Variants in EFEMP1 observed in about 807,000 individuals in gnomAD.
EFEMP1 encodes EGF-containing fibulin-like extracellular matrix protein 1.
In EFEMP1, 18 loss-of-function variants were observed where a neutral mutation model predicts 65.7. That is an observed-to-expected ratio of 0.27 (90% confidence interval 0.19 to 0.41). EFEMP1 has a LOEUF of 0.41. EFEMP1 is among the 10% of genes least tolerant of loss of function. The probability of loss-of-function intolerance (pLI) is 1.00; values close to 1 mark genes in which losing one functional copy is unlikely to be tolerated. For synonymous variants in EFEMP1, 237 were observed against 219.7 expected, an observed-to-expected ratio of 1.08 and a Z score of -0.70; for missense variants, 469 against 624.8, an observed-to-expected ratio of 0.75 and a Z score of 2.66.
chr2:55,920,351 C>A (rs559404999), intron 3 of EFEMP1, among the ~76,000 whole-genome samples: 24 of 152,336 alleles, frequency 1.6e-4, no homozygotes, highest in African/African-American at 5.8e-4. Context: ...TGCTTAGGAA[C>A]TTTGTAGTTT....
intron 5 of EFEMP1, among the ~76,000 whole-genome samples, chr2:55,900,410 A>G (rs1189149341): frequency 6.6e-6 from 1 of 151,256 alleles, no homozygotes; most frequent in Non-Finnish European, 1.5e-5. Flanking sequence ...GCACCCATTT[A>G]TCCCACAACC....
chr2:55,897,906 C>T (rs2104419650), intron 5 of EFEMP1, among the ~76,000 whole-genome samples: 1 of 152,202 alleles, frequency 6.6e-6, no homozygotes, highest in Non-Finnish European at 1.5e-5. Flanking sequence ...TGGATAATTG[C>T]CTCCTGCTAT....
rs1380188995 is a variant in EFEMP1 at position 55,866,313 on chromosome 2, T to C, written c.*760A>G. ...AGGGATGTTATTATATTTTCCGAGT[T>C]TGCTTCTTCAGGTCAGTTCCAATGT... On this transcript the variant is annotated 3_prime_UTR_variant, in exon 12 of 12. Coordinates refer to ENST00000355426, the MANE Select transcript of EFEMP1 (RefSeq NM_001039348.3). The C allele has an allele frequency of 6.6e-6, 1 of 152,200 alleles. No individual in the cohort carries two copies. The highest frequency in any genetic ancestry group is 1.5e-5 in the Non-Finnish European group (1 of 68,042). The allele number at this position is 152,200 out of a possible 1,614,324, so 9.4% of individuals were successfully genotyped here. A position where few individuals can be genotyped will look rare whatever the true frequency, so the allele number is the denominator to read the frequency against.
chr2:55,877,925 A>G lies in EFEMP1; in HGVS notation c.641-60T>C. 1 of 1,598,814 alleles carries G rather than the reference A, an allele frequency of 6.3e-7. No homozygotes were observed. Among genetic ancestry groups the G allele is most frequent in the South Asian group, 1.1e-5 (1 of 89,754 alleles). On this transcript the variant is annotated intron_variant, in intron 6 of 11. Coordinates refer to ENST00000355426, the MANE Select transcript of EFEMP1 (RefSeq NM_001039348.3). This position sits in a 1 kb window ranked among gnomAD's most constrained non-coding sequence, Gnocchi z 4.5. The stretch of plus-strand genomic sequence containing the variant: ...ATTATTGAATTAGCATTCTCTGAAA[A>G]GCATTATCTAGAAAACCTATGTAGA...
chr2:55,916,107 A>ATTT (rs576215544), intron 5 of EFEMP1, among the ~76,000 whole-genome samples: 22 of 129,426 alleles, frequency 1.7e-4, no homozygotes, highest in Middle Eastern at 8.3e-3. Context: ...AGTTTCCTTC[A>ATTT]TTTTTTTTTT....
At chr2:55,876,571 C>T (rs994330081) in intron 8 of EFEMP1, 52 bp downstream of exon 8, 1 of 1,600,818 alleles carries the variant, frequency 6.2e-7, no homozygotes, top group Non-Finnish European at 8.5e-7. Context: ...GATAAAACAA[C>T]AGCAGTCACA....
At chr2:55,881,471 T>C (rs968948090) in intron 6 of EFEMP1, 141 bp downstream of exon 6, 6 of 1,058,122 alleles carry the variant, frequency 5.7e-6, no homozygotes, top group Non-Finnish European at 8.4e-6. Flanking sequence ...TTGTGGAAAA[T>C]GGATTGGTAG....
At chr2:55,875,323 G>A (rs1373626515) in intron 8 of EFEMP1, among the ~76,000 whole-genome samples, 1 of 129,638 alleles carries the variant, frequency 7.7e-6, no homozygotes. Context: ...TAAGTTGCCT[G>A]GGTTTCATAT....
intron 5 of EFEMP1, among the ~76,000 whole-genome samples, chr2:55,909,851 A>G (rs866348146): frequency 2.0e-5 from 3 of 152,270 alleles, no homozygotes; most frequent in Middle Eastern, 3.4e-3. Context: ...TCATGGGACA[A>G]TTATTACAAA....
rs910314983 is a variant in EFEMP1, at chr2:55,919,965, A to T, written c.82-1698T>A. ...AGTAGGCAAGGCCCCGCATCTCTAC[A>T]TGCTGCATACAGACCCCATGATCTT... is the stretch of plus-strand genomic sequence containing the variant. On this transcript the variant is annotated intron_variant, in intron 3 of 11. Coordinates refer to ENST00000355426, the MANE Select transcript of EFEMP1 (RefSeq NM_001039348.3). This position sits in a 1 kb window ranked among gnomAD's most constrained non-coding sequence, Gnocchi z 4.5. Among the ~76,000 whole-genome samples the T allele has an allele frequency of 6.6e-6, 1 of 152,158 alleles. No homozygotes were observed.
chr2:55,888,327 T>C (rs965585246), intron 5 of EFEMP1, among the ~76,000 whole-genome samples: 2 of 147,902 alleles, frequency 1.4e-5, no homozygotes, highest in Non-Finnish European at 3.0e-5. Flanking sequence ...TTTTTTTCCT[T>C]CTTAAACTTT....
Position 55,867,130 on chromosome 2 carries a change from G to C in EFEMP1, c.1425C>G (p.Thr475=). ...LEMLTVSSIG[T]FRTSSVLRLT... ...ATCTTAACACAGAGCTTGTGCGGAA[G>C]GTCCCTATACTGCTGACTGTCAGCA... Residue 475 remains threonine, a synonymous_variant, in exon 12 of 12, where the codon ACC becomes ACG. Coordinates refer to ENST00000355426, the MANE Select transcript of EFEMP1 (RefSeq NM_001039348.3). This position sits in a 1 kb window ranked among gnomAD's most constrained non-coding sequence, Gnocchi z 4.3. 6.2e-7 allele frequency: 1 copy of C among 1,613,812 alleles called. No individual in the cohort carries two copies. Among genetic ancestry groups the C allele is most frequent in the Non-Finnish European group, 8.5e-7 (1 of 1,179,946 alleles).
intron 5 of EFEMP1, among the ~76,000 whole-genome samples, chr2:55,911,255 A>T (rs945493196): frequency 9.9e-5 from 15 of 152,172 alleles, no homozygotes; most frequent in African/African-American, 3.6e-4. Flanking sequence ...GACAGTAAGA[A>T]GAGTGAGAAA....
intron 5 of EFEMP1, among the ~76,000 whole-genome samples, chr2:55,902,676 G>A (rs1315983037): frequency 6.6e-6 from 1 of 152,198 alleles, no homozygotes; most frequent in Admixed American, 6.5e-5. Context: ...AGTAGTAGGT[G>A]TGAACTGTTT....
chr2:55,897,530 A>G (rs1269764642), intron 5 of EFEMP1, among the ~76,000 whole-genome samples: 2 of 152,210 alleles, frequency 1.3e-5, no homozygotes, highest in African/African-American at 4.8e-5. Flanking sequence ...TGGATAAACC[A>G]GGTGTTTTAC....
rs1670900456 is a variant in EFEMP1 at position 55,921,322 on chromosome 2, A to G, written c.81+1038T>C. Among the ~76,000 whole-genome samples the G allele has an allele frequency of 6.6e-6, 1 of 152,240 alleles. No homozygotes were observed. The highest frequency in any genetic ancestry group is 1.5e-5 in the Non-Finnish European group (1 of 68,044). On this transcript the variant is annotated intron_variant, in intron 3 of 11. Coordinates refer to ENST00000355426, the MANE Select transcript of EFEMP1 (RefSeq NM_001039348.3). This position sits in a 1 kb window ranked among gnomAD's most constrained non-coding sequence, Gnocchi z 4.1. ...TTTATAGTGGATCTGAACAACAGAAAGGAACATTTGCCAGATGAATACTAA... is the reference window on the plus strand; with the variant it reads ...TTTATAGTGGATCTGAACAACAGAAGGGAACATTTGCCAGATGAATACTAA...
At chr2:55,915,352 A>C (rs1177756932) in intron 5 of EFEMP1, among the ~76,000 whole-genome samples, 1 of 152,238 alleles carries the variant, frequency 6.6e-6, no homozygotes, top group Non-Finnish European at 1.5e-5. Context: ...ATAACTAAAA[A>C]AAATTCCCAA....
rs1454787506 is a variant in EFEMP1, at chr2:55,922,492, G to A, written c.-7-45C>T. On this transcript the variant is annotated intron_variant, in intron 2 of 11. Transcript: ENST00000355426. This position sits in a 1 kb window ranked among gnomAD's most constrained non-coding sequence, Gnocchi z 5.5. Reference sequence around the variant, plus strand: ...AAACTAATGTTTAGTATCTGCTGCGGGGAAAGTAACAAAACTTTAGCAGTG... The same window carrying A: ...AAACTAATGTTTAGTATCTGCTGCGAGGAAAGTAACAAAACTTTAGCAGTG... The A allele has an allele frequency of 6.4e-7, 1 of 1,570,570 alleles. No individual in the cohort carries two copies. Among genetic ancestry groups the A allele is most frequent in the Admixed American group, 1.7e-5 (1 of 59,788 alleles).
rs1017931305 is a variant in EFEMP1 at position 55,870,602 on chromosome 2, G to C, written c.1320+118C>G. 2.0e-5 allele frequency: 25 copies of C among 1,265,916 alleles called. No individual in the cohort carries two copies. The African/African-American group carries it at 3.4e-4, about 17-fold the overall frequency. 78.4% of individuals were successfully genotyped at this position (1,265,916 alleles called of 1,614,324 possible). ...GGCCTTACACAATGCCTACACATAA[G>C]ACACTTTAAATGTTTGCTTTCCTTC... is the stretch of plus-strand genomic sequence containing the variant. On this transcript the variant is annotated intron_variant, in intron 11 of 11. Coordinates refer to ENST00000355426, the MANE Select transcript of EFEMP1 (RefSeq NM_001039348.3). This position sits in a 1 kb window ranked among gnomAD's most constrained non-coding sequence, Gnocchi z 5.8.
Sources: allele counts gnomAD v4.1 joint callset (sites outside exome capture counted in the v4.1 genomes callset), GRCh38; gene constraint gnomAD v4.1.1; non-coding constraint Gnocchi (gnomAD v3.1); transcripts MANE v1.5; gene names NCBI Gene and HGNC (gene_info 2026-07-23, HGNC 2026-07-21).